The following RBMS3 variants were observed in gnomAD, a reference collection of about 807,000 sequenced individuals.
The protein encoded by RBMS3 is RNA-binding motif, single-stranded-interacting protein 3.
A neutral mutation model predicts 66.8 loss-of-function variants in RBMS3; 27 were observed. The ratio of observed to expected loss-of-function variants is 0.40; its 90% CI spans 0.30 to 0.56. The LOEUF (loss-of-function observed/expected upper bound fraction) is 0.56. Among genes scored for constraint, RBMS3 ranks in the 20% least tolerant of loss-of-function variants. The pLI is 0.40. For missense variants in RBMS3, 513 were observed against 549.5 expected, an observed-to-expected ratio of 0.93 and a Z score of 0.66; for synonymous variants, 188 against 183.0, an observed-to-expected ratio of 1.03 and a Z score of -0.22.
Position 29,624,671 on chromosome 3 carries a change from G to A in RBMS3, c.399+37466G>A, listed in dbSNP as rs1368132054. ...GTTTATGTTTCTCATAGTTATATACGTCTTATGTTCATTTTAAAATTTTAA... is the reference window on the plus strand; with the variant it reads ...GTTTATGTTTCTCATAGTTATATACATCTTATGTTCATTTTAAAATTTTAA... On this transcript the variant is annotated intron_variant, in intron 4 of 14. Transcript: ENST00000383767. Among the ~76,000 whole-genome samples, 7 of 152,008 alleles carry A rather than the reference G, an allele frequency of 4.6e-5. 1 individual carries two copies. The highest frequency in any genetic ancestry group is 1.3e-4 in the Admixed American group (2 of 15,258).
rs555649249 is a variant in RBMS3, at chr3:29,972,701, G to C, written c.1099-15442G>C. 3.9e-5 allele frequency among the ~76,000 whole-genome samples: 6 copies of C among 152,170 alleles called. No individual in the cohort carries two copies. The South Asian group carries it at 1.2e-3, about 32-fold the overall frequency. On this transcript the variant is annotated intron_variant, in intron 12 of 14. Coordinates refer to ENST00000383767, the MANE Select transcript of RBMS3 (RefSeq NM_001003793.3). ...TTACTTGAGTCCACTGGGATGATTG[G>C]CATTCACGATGTGTGGGCTGGAGAC...
chr3:29,416,769 G>C (rs1000190940), intron 1 of RBMS3, among the ~76,000 whole-genome samples: 2 of 152,138 alleles, frequency 1.3e-5, no homozygotes, highest in African/African-American at 4.8e-5. Context: ...TGATAGGAAT[G>C]TGGTCTCTGG....
chr3:29,535,493 A>G (rs2045518499), intron 3 of RBMS3, among the ~76,000 whole-genome samples: 1 of 152,056 alleles, frequency 6.6e-6, no homozygotes, highest in African/African-American at 2.4e-5. Flanking sequence ...TTTGGGTATA[A>G]AATTCTCCTG....
intron 6 of RBMS3, among the ~76,000 whole-genome samples, chr3:29,788,338 G>T (rs1345865048): frequency 1.3e-5 from 2 of 151,798 alleles, no homozygotes; most frequent in Non-Finnish European, 2.9e-5. Flanking sequence ...TGATTCTCCT[G>T]CCCCACCCTC....
chr3:29,717,216 A>T (rs960070289), intron 4 of RBMS3, among the ~76,000 whole-genome samples: 1 of 152,108 alleles, frequency 6.6e-6, no homozygotes. Flanking sequence ...AATGCAACGC[A>T]CAGTGCTCAA....
At chr3:29,309,228 A>C (rs1212425594) in intron 1 of RBMS3, among the ~76,000 whole-genome samples, 1 of 151,538 alleles carries the variant, frequency 6.6e-6, no homozygotes, top group Non-Finnish European at 1.5e-5. Flanking sequence ...AAAAAAGAGG[A>C]GATATAGGAG....
chr3:29,372,935 G>A (rs1300414555), intron 1 of RBMS3, among the ~76,000 whole-genome samples: 1 of 150,972 alleles, frequency 6.6e-6, no homozygotes, highest in African/African-American at 2.4e-5. Flanking sequence ...AGTGGCGCCT[G>A]GAATATAGTA....
chr3:29,877,952 C>G (rs1158930081), intron 7 of RBMS3, among the ~76,000 whole-genome samples: 1 of 152,010 alleles, frequency 6.6e-6, no homozygotes, highest in Admixed American at 6.6e-5. Flanking sequence ...CATCTAGTAC[C>G]GTGGTCCTCA....
chr3:29,624,094 G>T (rs1360650666), intron 4 of RBMS3, among the ~76,000 whole-genome samples: 1 of 152,144 alleles, frequency 6.6e-6, no homozygotes, highest in Non-Finnish European at 1.5e-5. Context: ...TCATATTTGC[G>T]AAGACTTCCA....
intron 4 of RBMS3, among the ~76,000 whole-genome samples, chr3:29,612,721 G>A (rs566908905): frequency 6.6e-6 from 1 of 152,136 alleles, no homozygotes; most frequent in East Asian, 1.9e-4. Flanking sequence ...GGCCACTATG[G>A]AGTTTATGAA....
chr3:29,567,899 C>A (rs1275532879), intron 3 of RBMS3, among the ~76,000 whole-genome samples: 1 of 152,090 alleles, frequency 6.6e-6, no homozygotes, highest in African/African-American at 2.4e-5. Flanking sequence ...CTTTATGACT[C>A]CTAGGGGATT....
intron 1 of RBMS3, among the ~76,000 whole-genome samples, chr3:29,428,056 G>A (rs1483864331): frequency 6.6e-6 from 1 of 152,182 alleles, no homozygotes; most frequent in Non-Finnish European, 1.5e-5. Context: ...TGGAGGGGGT[G>A]AATGCCATGC....
chr3:29,625,313 G>C (rs764529328), intron 4 of RBMS3, among the ~76,000 whole-genome samples: 2 of 152,056 alleles, frequency 1.3e-5, no homozygotes, highest in Non-Finnish European at 2.9e-5. Flanking sequence ...TTATATTTCT[G>C]TGGCATTTTT....
chr3:29,366,261 T>C (rs1196121558), intron 1 of RBMS3, among the ~76,000 whole-genome samples: 1 of 152,232 alleles, frequency 6.6e-6, no homozygotes, highest in Admixed American at 6.6e-5. Context: ...TAAGTGATAG[T>C]TGTATTATCA....
rs146426199 is a variant in RBMS3 at position 29,390,231 on chromosome 3, C to A, written c.76-44512C>A. On this transcript the variant is annotated intron_variant, in intron 1 of 14. Coordinates refer to ENST00000383767, the MANE Select transcript of RBMS3 (RefSeq NM_001003793.3). ...TGTAGGAATCCCCCTTTCCCCATCTCTTCTGCCTATGTAGACATCTTGGGG... is the reference window on the plus strand; with the variant it reads ...TGTAGGAATCCCCCTTTCCCCATCTATTCTGCCTATGTAGACATCTTGGGG... Among the ~76,000 whole-genome samples the A allele has an allele frequency of 9.9e-5, 15 of 152,282 alleles. No individual in the cohort carries two copies. In the East Asian group the frequency reaches 2.9e-3, roughly 29 times the overall value.
chr3:29,559,787 A>G (rs2046487026), intron 3 of RBMS3, among the ~76,000 whole-genome samples: 1 of 152,170 alleles, frequency 6.6e-6, no homozygotes, highest in Non-Finnish European at 1.5e-5. Flanking sequence ...TGCCTAAAAT[A>G]CACAGAATAC....
chr3:29,375,449 A>G (rs4680818), intron 1 of RBMS3, among the ~76,000 whole-genome samples: 11,622 of 152,284 alleles, frequency 0.076, 843 homozygotes, highest in East Asian at 0.36. Context: ...TTTGCAGTCT[A>G]TCCATCTGAC....
At chr3:29,904,598 C>A (rs950515446) in intron 10 of RBMS3, among the ~76,000 whole-genome samples, 1 of 151,896 alleles carries the variant, frequency 6.6e-6, no homozygotes, top group Non-Finnish European at 1.5e-5. Flanking sequence ...AGTGAGAAAA[C>A]GTCTGTCAGA....
intron 3 of RBMS3, among the ~76,000 whole-genome samples, chr3:29,496,609 T>C (rs977269191): frequency 1.3e-5 from 2 of 152,224 alleles, no homozygotes; most frequent in African/African-American, 4.8e-5. Context: ...CTTTATTTGT[T>C]GTCTACAACC....
Sources: allele counts gnomAD v4.1 joint callset (sites outside exome capture counted in the v4.1 genomes callset), GRCh38; gene constraint gnomAD v4.1.1; transcripts MANE v1.5; gene names NCBI Gene and HGNC (gene_info 2026-07-23, HGNC 2026-07-21).